PSMC6: variants seen among roughly 807,000 people sequenced by gnomAD.
PSMC6 encodes the protein 26S proteasome regulatory subunit 10B.
A neutral mutation model predicts 55.9 loss-of-function variants in PSMC6; 3 were observed. The ratio of observed to expected loss-of-function variants is 0.05; its 90% CI spans 0.02 to 0.14. The LOEUF (loss-of-function observed/expected upper bound fraction) is 0.14. Among genes scored for constraint, PSMC6 ranks in the 10% least tolerant of loss-of-function variants. PSMC6 has a pLI of 1.00. For missense variants in PSMC6, 210 were observed against 478.7 expected (o/e 0.44, Z 5.24); for synonymous variants, 137 against 155.9 (o/e 0.88, Z 0.90).
rs2041763117 is a variant in PSMC6 at position 52,710,741 on chromosome 14, G to A, written c.259-360G>A. The stretch of plus-strand genomic sequence containing the variant: ...GTACATTTCAAAATAAATCTGATGA[G>A]CACACCTTTAAAATGCTTCCCTTTC... On this transcript the variant is annotated intron_variant, in intron 4 of 13. Transcript: ENST00000445930. 8 of 267,170 alleles carry A rather than the reference G, an allele frequency of 3.0e-5. No individual in the cohort carries two copies. The South Asian group carries it at 3.5e-4, about 12-fold the overall frequency. The allele number at this position is 267,170 out of a possible 1,614,324, so 16.5% of individuals were successfully genotyped here. A position where few individuals can be genotyped will look rare whatever the true frequency, so the allele number is the denominator to read the frequency against.
At chr14:52,713,592 T>G (rs748240510) in intron 6 of PSMC6, among the ~76,000 whole-genome samples, 1 of 152,232 alleles carries the variant, frequency 6.6e-6, no homozygotes, top group Non-Finnish European at 1.5e-5. Flanking sequence ...GATTCTTAAG[T>G]GTACATTTCA....
At chr14:52,714,900 A>T (rs2139843734) in intron 7 of PSMC6, among the ~76,000 whole-genome samples, 1 of 150,978 alleles carries the variant, frequency 6.6e-6, no homozygotes, top group African/African-American at 2.4e-5. Flanking sequence ...TTTTTTATAT[A>T]AAGCAAATGT....
intron 9 of PSMC6, 89 bp downstream of exon 9, chr14:52,718,441 T>C (rs1241443150): frequency 7.4e-7 from 1 of 1,352,370 alleles, no homozygotes; most frequent in Non-Finnish European, 1.0e-6. Context: ...AATTGTGACT[T>C]GTATGAAGTA....
At chr14:52,715,737 C>T (rs2041823658) in intron 7 of PSMC6, among the ~76,000 whole-genome samples, 1 of 151,808 alleles carries the variant, frequency 6.6e-6, no homozygotes, top group Admixed American at 6.6e-5. Context: ...CCACCTCAGC[C>T]TCCTGAGTAG....
At chr14:52,707,497 C>A (rs1045835489) in intron 1 of PSMC6, 193 bp downstream of exon 1, 5 of 671,806 alleles carry the variant, frequency 7.4e-6, no homozygotes, top group Non-Finnish European at 1.2e-5. Context: ...TGGCCCAGTC[C>A]AGCCCGGGTG....
Position 52,723,945 on chromosome 14 carries a change from C to G in PSMC6, c.980-20C>G. On this transcript the variant is annotated intron_variant, in intron 12 of 13. Transcript: ENST00000445930. ...AAGGTCTAATTTTTAAAACTAATTT[C>G]CAGTATTTTTTCTAAACAGATTATG... 6.2e-7 allele frequency: 1 copy of G among 1,608,956 alleles called. No homozygotes were observed. The highest frequency in any genetic ancestry group is 8.5e-7 in the Non-Finnish European group (1 of 1,177,718).
intron 4 of PSMC6, 76 bp from the exon 5 acceptor site, chr14:52,711,004 GTAAAAATGAGTGTTTGGCTTC>G: frequency 1.2e-6 from 1 of 807,700 alleles, no homozygotes; most frequent in Non-Finnish European, 2.1e-6. Flanking sequence ...TCTCTGGAGG[GTAAAAATGAGTGTTTGGCTTC>G]TAAATATTAA....
intron 7 of PSMC6, among the ~76,000 whole-genome samples, chr14:52,716,946 T>A (rs1035963932): frequency 1.3e-5 from 2 of 152,142 alleles, no homozygotes; most frequent in Admixed American, 1.3e-4. Flanking sequence ...ATTGAACTCG[T>A]AGAAACCAAG....
At position 52,727,539 on chromosome 14, in the gene PSMC6, G is replaced by A; in HGVS notation, c.1092G>A (p.Gln364=). ...GTGCTGATCATGATTTTGTAGTACA[G>A]GAAGACTTCATGAAAGCAGTCAGAA... is the stretch of plus-strand genomic sequence containing the variant. ...AIRADHDFVV[Q]EDFMKAVRKV... is the part of the protein sequence containing the mutation. Residue 364 remains glutamine (Q), a synonymous_variant, in exon 14 of 14, where the codon CAG becomes CAA. Transcript: ENST00000445930. 1 of 1,611,922 alleles carries A rather than the reference G, an allele frequency of 6.2e-7. No homozygotes were observed. The highest frequency in any genetic ancestry group is 8.5e-7 in the Non-Finnish European group (1 of 1,179,704).
chr14:52,713,052 G>A (rs1167927380), intron 6 of PSMC6, among the ~76,000 whole-genome samples: 1 of 152,082 alleles, frequency 6.6e-6, no homozygotes, highest in Non-Finnish European at 1.5e-5. Context: ...CCAATACAGT[G>A]AAACCCCATC....
intron 9 of PSMC6, chr14:52,718,560 G>A (rs1356208848): frequency 6.0e-6 from 3 of 501,880 alleles, no homozygotes; most frequent in Non-Finnish European, 1.0e-5. Context: ...AGGCCAAGGT[G>A]GGCAGATCAC....
chr14:52,720,328 A>G (rs12892008), intron 10 of PSMC6, among the ~76,000 whole-genome samples: 1 of 133,250 alleles, frequency 7.5e-6, no homozygotes, highest in Non-Finnish European at 1.6e-5. Flanking sequence ...TGATCAGGCC[A>G]CAGTACTCCA....
intron 6 of PSMC6, among the ~76,000 whole-genome samples, chr14:52,713,103 G>A (rs1566657612): frequency 6.6e-6 from 1 of 152,002 alleles, no homozygotes. Context: ...TGGTGGTGGC[G>A]CCTGTAGTCC....
intron 7 of PSMC6, 81 bp downstream of exon 7, chr14:52,714,049 T>C: frequency 9.7e-7 from 1 of 1,033,024 alleles, no homozygotes; most frequent in South Asian, 1.6e-5. Flanking sequence ...TTTTTTATTT[T>C]TATTTTTTTG....
intron 7 of PSMC6, among the ~76,000 whole-genome samples, chr14:52,717,235 C>T (rs1420271316): frequency 1.3e-5 from 2 of 151,776 alleles, no homozygotes; most frequent in Non-Finnish European, 2.9e-5. Flanking sequence ...TAATTTAACC[C>T]ATAAATATAC....
intron 13 of PSMC6, among the ~76,000 whole-genome samples, chr14:52,725,051 A>G (rs1422889808): frequency 2.6e-5 from 4 of 152,232 alleles, no homozygotes; most frequent in East Asian, 1.9e-4. Flanking sequence ...AATGCTGTCA[A>G]TGCAAATTAG....
chr14:52,726,538 C>T (rs765061217), intron 13 of PSMC6, among the ~76,000 whole-genome samples: 2 of 152,066 alleles, frequency 1.3e-5, no homozygotes, highest in African/African-American at 4.8e-5. Context: ...AGTTAAGTTA[C>T]GCTTAAAATG....
intron 7 of PSMC6, 42 bp downstream of exon 7, chr14:52,714,010 A>T (rs767115193): frequency 8.5e-7 from 1 of 1,173,490 alleles, no homozygotes; most frequent in Non-Finnish European, 1.2e-6. Context: ...AAGATAAATG[A>T]ATTAAGGAAT....
At chr14:52,710,982 A>T in intron 4 of PSMC6, 119 bp from the exon 5 acceptor site, 5 of 808,912 alleles carry the variant, frequency 6.2e-6, no homozygotes, top group Non-Finnish European at 1.0e-5. Context: ...TTATAATCTG[A>T]TATTTGTGTT....
Sources: allele counts gnomAD v4.1 joint callset (sites outside exome capture counted in the v4.1 genomes callset), GRCh38; gene constraint gnomAD v4.1.1; transcripts MANE v1.5; gene names NCBI Gene and HGNC (gene_info 2026-07-23, HGNC 2026-07-21).